The following PCCB variants were observed in gnomAD, a reference collection of about 807,000 sequenced individuals.
The protein encoded by PCCB is propionyl-CoA carboxylase subunit beta.
A neutral mutation model predicts 60.7 loss-of-function variants in PCCB; 43 were observed. The observed-to-expected ratio is 0.71, with a 90% CI of 0.55 to 0.91. PCCB has a LOEUF of 0.91. Among genes scored for constraint, PCCB ranks in the 40% least tolerant of loss-of-function variants. The pLI is 0.00. For missense variants in PCCB, 766 were observed against 702.8 expected (o/e 1.09, Z -1.02); for synonymous variants, 276 against 255.9 (o/e 1.08, Z -0.75).
chr3:136,266,402 T>C (rs1160295429), intron 5 of PCCB, among the ~76,000 whole-genome samples: 2 of 152,188 alleles, frequency 1.3e-5, no homozygotes, highest in Non-Finnish European at 2.9e-5. Context: ...GTGCTGGGAT[T>C]ACAGGCGTGA....
intron 9 of PCCB, among the ~76,000 whole-genome samples, chr3:136,309,001 A>C (rs1259310242): frequency 6.6e-6 from 1 of 152,062 alleles, no homozygotes; most frequent in African/African-American, 2.4e-5. Flanking sequence ...GGTGGCTCAC[A>C]CATGTAATCC....
At chr3:136,251,142 G>A (rs1941504877) in intron 1 of PCCB, 1 of 447,782 alleles carries the variant, frequency 2.2e-6, no homozygotes, top group Non-Finnish European at 4.5e-6. Flanking sequence ...AAAGGCACGT[G>A]TCGGAAGCAG....
chr3:136,270,519 C>T (rs76539891), intron 5 of PCCB, among the ~76,000 whole-genome samples: 1 of 151,738 alleles, frequency 6.6e-6, no homozygotes, highest in Non-Finnish European at 1.5e-5. Flanking sequence ...TTTTTTTTCC[C>T]GCTGTAGGCA....
At chr3:136,327,012 T>C (rs1935340070) in intron 11 of PCCB, 102 bp downstream of exon 11, 1 of 1,118,982 alleles carries the variant, frequency 8.9e-7, no homozygotes. Context: ...GACTTGTGAC[T>C]TCTCCATGTA....
chr3:136,293,570 A>T (rs889285158), intron 6 of PCCB, among the ~76,000 whole-genome samples, 186 bp from the exon 7 acceptor site: 1 of 152,208 alleles, frequency 6.6e-6, no homozygotes, highest in Non-Finnish European at 1.5e-5. Context: ...GAAATTTTTT[A>T]AAAAAGACAA....
intron 10 of PCCB, among the ~76,000 whole-genome samples, chr3:136,318,428 G>T (rs1278142396): frequency 6.6e-6 from 1 of 152,124 alleles, no homozygotes; most frequent in African/African-American, 2.4e-5. Context: ...AACAAAATAT[G>T]TCTGTTTGGC....
intron 1 of PCCB, among the ~76,000 whole-genome samples, chr3:136,253,914 C>T (rs1437624769): frequency 6.6e-6 from 1 of 151,912 alleles, no homozygotes; most frequent in Non-Finnish European, 1.5e-5. Context: ...TTCCAAAGTG[C>T]TGGGATTACA....
chr3:136,327,120 C>T, intron 11 of PCCB, 35 bp from the exon 12 acceptor site: 1 of 1,584,120 alleles, frequency 6.3e-7, no homozygotes, highest in Non-Finnish European at 8.7e-7. Context: ...CATGTGAGGA[C>T]TTGTGGGTAT....
chr3:136,268,087 GATATATA>G (rs1942065937), intron 5 of PCCB, among the ~76,000 whole-genome samples: 20 of 93,798 alleles, frequency 2.1e-4, no homozygotes, highest in African/African-American at 5.5e-4. Context: ...TGTGTGTGTA[GATATATA>G]TATATATATA....
At chr3:136,289,571 T>G (rs1040189352) in intron 6 of PCCB, among the ~76,000 whole-genome samples, 1 of 152,218 alleles carries the variant, frequency 6.6e-6, no homozygotes, top group Non-Finnish European at 1.5e-5. Flanking sequence ...TGTGTCTTGT[T>G]TCTTGATCTA....
intron 7 of PCCB, among the ~76,000 whole-genome samples, chr3:136,296,640 G>A (rs960846174): frequency 3.3e-5 from 5 of 152,110 alleles, no homozygotes; most frequent in African/African-American, 7.2e-5. Flanking sequence ...ATGATAACTC[G>A]ATGTTTAACT....
intron 9 of PCCB, among the ~76,000 whole-genome samples, chr3:136,313,300 C>G (rs1560026385): frequency 6.6e-6 from 1 of 152,170 alleles, no homozygotes; most frequent in African/African-American, 2.4e-5. Context: ...GCGAGATACT[C>G]TAAATAACCT....
At chr3:136,296,945 C>T (rs1050834111) in intron 7 of PCCB, among the ~76,000 whole-genome samples, 1 of 152,110 alleles carries the variant, frequency 6.6e-6, no homozygotes, top group African/African-American at 2.4e-5. Flanking sequence ...CCATATGGGG[C>T]TTATATTCTA....
In PCCB at chr3:136,327,625, C is replaced by T. The variant is rs1935372340; in HGVS notation, c.1300-9C>T. 1 of 1,600,136 alleles carries T rather than the reference C, an allele frequency of 6.2e-7. No homozygotes were observed. Among genetic ancestry groups the T allele is most frequent in the Non-Finnish European group, 8.6e-7 (1 of 1,167,338 alleles). On this transcript the variant is annotated splice_polypyrimidine_tract_variant and intron_variant, in intron 12 of 14. Coordinates refer to ENST00000251654, the MANE Select transcript of PCCB (RefSeq NM_000532.5). ...AGGCTCTAACACTCAGCATTTGGATCTGTTTTAGGCCTATGGAGGTGCCTA... is the reference window on the plus strand; with the variant it reads ...AGGCTCTAACACTCAGCATTTGGATTTGTTTTAGGCCTATGGAGGTGCCTA...
rs191869477 is a variant in PCCB, at chr3:136,273,547, C to T, written c.544-10290C>T. ...ATAATATCTTTTTGTTGGATTGTTC[C>T]TTTTATTATATAATGACCTTCTTTT... is the stretch of plus-strand genomic sequence containing the variant. On this transcript the variant is annotated intron_variant, in intron 5 of 14. Transcript: ENST00000251654. Among the ~76,000 whole-genome samples the T allele has an allele frequency of 4.9e-5, 6 of 121,348 alleles. No homozygotes were observed. In the East Asian group the frequency reaches 1.4e-3, roughly 29 times the overall value. 79.6% of individuals were successfully genotyped at this position (121,348 alleles called of 152,430 possible). A position where few individuals can be genotyped will look rare whatever the true frequency, so the allele number is the denominator to read the frequency against.
chr3:136,292,937 CTTATA>C (rs1453871735), intron 6 of PCCB, among the ~76,000 whole-genome samples: 2 of 152,254 alleles, frequency 1.3e-5, no homozygotes, highest in African/African-American at 2.4e-5. Context: ...ATGCAGTATA[CTTATA>C]TTATCTATAT....
rs2108241656 is a variant in PCCB at position 136,329,925 on chromosome 3, C to T, written c.1519C>T (p.Gln507Ter). The change falls in exon 15 of 15, where the codon CAA (glutamine) becomes TAA (stop). Residue 507 changes from glutamine to a stop codon, truncating the protein, a stop_gained. Coordinates refer to ENST00000251654, the MANE Select transcript of PCCB (RefSeq NM_000532.5). LOFTEE classifies it high-confidence loss of function. ...AVRGFVDDII[Q>*]PSSTRARICC... ...ACCAGGGTTTGTGGATGACATCATC[C>T]AACCTTCTTCCACACGTGCCCGAAT... 2.5e-6 allele frequency: 4 copies of T among 1,614,178 alleles called. No homozygotes were observed. Among genetic ancestry groups the T allele is most frequent in the Non-Finnish European group, 3.4e-6 (4 of 1,180,012 alleles).
At chr3:136,328,031 C>G (rs1935395717) in intron 13 of PCCB, among the ~76,000 whole-genome samples, 1 of 152,112 alleles carries the variant, frequency 6.6e-6, no homozygotes. Flanking sequence ...GTAAAGGGGG[C>G]AAAGGGTTGA....
chr3:136,287,090 C>T (rs1933450632), intron 6 of PCCB, among the ~76,000 whole-genome samples: 1 of 151,602 alleles, frequency 6.6e-6, no homozygotes, highest in Non-Finnish European at 1.5e-5. Flanking sequence ...TTCAAGAGCC[C>T]TGTCATCATG....
Sources: allele counts gnomAD v4.1 joint callset (sites outside exome capture counted in the v4.1 genomes callset), GRCh38; gene constraint gnomAD v4.1.1; transcripts MANE v1.5; gene names NCBI Gene and HGNC (gene_info 2026-07-23, HGNC 2026-07-21).